Variants in RHBDF2 observed in about 807,000 individuals in gnomAD.
RHBDF2 encodes the protein rhomboid 5 homolog 2, also known as inactive rhomboid protein 2.
Under a neutral mutation model 95.2 loss-of-function variants are expected in RHBDF2, and 38 were observed. The observed-to-expected ratio is 0.40, with a 90% CI of 0.31 to 0.52. RHBDF2 has a LOEUF of 0.52. Among genes scored for constraint, RHBDF2 ranks in the 20% least tolerant of loss-of-function variants. The pLI, the probability that RHBDF2 is intolerant of heterozygous loss-of-function variation, is 0.56. For synonymous variants in RHBDF2, 442 were observed against 462.0 expected (o/e 0.96, Z 0.55); for missense variants, 863 against 1,137.7 (o/e 0.76, Z 3.47).
rs369209062 is a variant in RHBDF2 at position 76,479,461 on chromosome 17, C to T, written c.273-184G>A. The T allele has an allele frequency of 7.5e-5, 70 of 934,204 alleles. No homozygotes were observed. The East Asian group carries it at 1.2e-3, about 16-fold the overall frequency. 57.9% of individuals were successfully genotyped at this position (934,204 alleles called of 1,614,324 possible). On this transcript the variant is annotated intron_variant, in intron 4 of 18. Coordinates refer to ENST00000675367, the MANE Select transcript of RHBDF2 (RefSeq NM_001005498.4). Reference sequence around the variant, plus strand: ...GAGCAGAAGCAGGGGATGACGGGAGCGTGAGGAGCCAGGCTAGGGCCCCAG... The same window carrying T: ...GAGCAGAAGCAGGGGATGACGGGAGTGTGAGGAGCCAGGCTAGGGCCCCAG...
chr17:76,480,222 A>G (rs2073923875), intron 3 of RHBDF2, among the ~76,000 whole-genome samples: 1 of 151,064 alleles, frequency 6.6e-6, no homozygotes, highest in African/African-American at 2.4e-5. Flanking sequence ...AGCTGGGACT[A>G]TAGGCATGTG....
At position 76,498,789 on chromosome 17, in the gene RHBDF2, A is replaced by AGTGTGTGTGTGTGTGTGTGT. The variant is rs60130089; in HGVS notation, c.-220+2544_-220+2563dup. Among the ~76,000 whole-genome samples the AGTGTGTGTGTGTGTGTGTGT allele has an allele frequency of 7.4e-4, 106 of 143,768 alleles. 2 individuals are homozygous for AGTGTGTGTGTGTGTGTGTGT. Among genetic ancestry groups the AGTGTGTGTGTGTGTGTGTGT allele is most frequent in the East Asian group, 1.1e-3 (5 of 4,604 alleles). 94.3% of individuals were successfully genotyped at this position (143,768 alleles called of 152,430 possible). On this transcript the variant is annotated intron_variant, in intron 1 of 18. Transcript: ENST00000675367. The stretch of plus-strand genomic sequence containing the variant: ...CCCCTCCTGGGCTGGAGAGAAAGAG[A>AGTGTGTGTGTGTGTGTGTGT]GTGTGTGTGTGTGTGTGTGTGTGTG...
At chr17:76,492,517 C>T (rs893635662) in intron 1 of RHBDF2, among the ~76,000 whole-genome samples, 1 of 152,202 alleles carries the variant, frequency 6.6e-6, no homozygotes, top group African/African-American at 2.4e-5. Flanking sequence ...ACAGCTCTAC[C>T]AGCCAGTCCA....
At chr17:76,479,960 C>A (rs771764923) in intron 3 of RHBDF2, 106 bp from the exon 4 acceptor site, 1 of 1,499,904 alleles carries the variant, frequency 6.7e-7, no homozygotes, top group South Asian at 1.3e-5. Context: ...AAACTTCAAC[C>A]CTGATTTATG....
At chr17:76,491,715 C>T (rs2074306842) in intron 1 of RHBDF2, among the ~76,000 whole-genome samples, 1 of 152,190 alleles carries the variant, frequency 6.6e-6, no homozygotes, top group African/African-American at 2.4e-5. Flanking sequence ...CCATTGAGAT[C>T]AACTGCCTCC....
At chr17:76,484,074 C>G (rs999229102) in intron 2 of RHBDF2, among the ~76,000 whole-genome samples, 3 of 152,034 alleles carry the variant, frequency 2.0e-5, no homozygotes, top group African/African-American at 7.3e-5. Context: ...CCAGCATGAC[C>G]AACATGGAGA....
intron 2 of RHBDF2, among the ~76,000 whole-genome samples, chr17:76,485,507 A>G (rs1024123624): frequency 3.3e-5 from 5 of 151,072 alleles, no homozygotes; most frequent in African/African-American, 1.2e-4. Context: ...ACTTGAACCC[A>G]GGACGGGGGG....
At chr17:76,472,086 A>T in intron 18 of RHBDF2, 34 bp from the exon 19 acceptor site, 1 of 1,524,614 alleles carries the variant, frequency 6.6e-7, no homozygotes, top group African/African-American at 1.4e-5. Context: ...GGCTTCAGGC[A>T]TCAGGTGGGT....
intron 1 of RHBDF2, among the ~76,000 whole-genome samples, chr17:76,491,027 A>G (rs1331060461): frequency 6.6e-6 from 1 of 152,066 alleles, no homozygotes. Flanking sequence ...TGGTCAGCCT[A>G]TGTCAGCCCT....
chr17:76,474,449 T>C lies in RHBDF2; in HGVS notation c.1388A>G (p.Asp463Gly). ...QIEQLVLRER[D>G]LERDSGCCVQ... ...ACAGCAGCCTGAGTCCCGCTCCAGG[T>C]CTCGCTCGCGCAGCACCAGCTGCTC... The change falls in exon 12 of 19, where the codon GAC becomes GGC. Residue 463 changes from aspartate (D) to glycine (G), a missense_variant. Around this residue, in one of 2 missense-constraint regions of RHBDF2, gnomAD observed 611 missense variants for 725.5 expected, o/e 0.84. Transcript: ENST00000675367. 6.2e-7 allele frequency: 1 copy of C among 1,614,006 alleles called. No individual in the cohort carries two copies. The highest frequency in any genetic ancestry group is 1.1e-5 in the South Asian group (1 of 91,082).
At chr17:76,498,789 A>AGTGTGTGT (rs60130089) in intron 1 of RHBDF2, among the ~76,000 whole-genome samples, 19,786 of 143,578 alleles carry the variant, frequency 0.14, 1,608 homozygotes, top group East Asian at 0.28. Context: ...AGAGAAAGAG[A>AGTGTGTGT]GTGTGTGTGT....
At chr17:76,480,350 G>T (rs1487863449) in intron 3 of RHBDF2, among the ~76,000 whole-genome samples, 1 of 151,826 alleles carries the variant, frequency 6.6e-6, no homozygotes, top group African/African-American at 2.4e-5. Flanking sequence ...GCCTCCCAAA[G>T]TGCTGGGATT....
intron 18 of RHBDF2, chr17:76,472,261 C>A (rs958887795): frequency 4.9e-6 from 3 of 609,386 alleles, no homozygotes; most frequent in Admixed American, 3.0e-5. Context: ...CTACTGTGTA[C>A]GTGCCTGGTG....
Position 76,501,360 on chromosome 17 carries a change from CG to C in RHBDF2, c.-228del, listed in dbSNP as rs2074576581. On this transcript the variant is annotated 5_prime_UTR_variant, in exon 1 of 19. Transcript: ENST00000675367. ...TCGTCGCCCCGCGCTCACCTCCCTG[CG>C]GCCCCAAGTCCCCGGGACGCAACTC... The C allele has an allele frequency of 6.6e-6, 1 of 152,210 alleles. No individual in the cohort carries two copies. Among genetic ancestry groups the C allele is most frequent in the South Asian group, 2.1e-4 (1 of 4,842 alleles). 9.4% of individuals were successfully genotyped at this position (152,210 alleles called of 1,614,324 possible).
rs78075648 is a variant in RHBDF2, at chr17:76,500,222, C to T, written c.-220+1131G>A. Among the ~76,000 whole-genome samples the T allele has an allele frequency of 3.9e-3, 589 of 152,220 alleles. 6 individuals are homozygous for T. Among genetic ancestry groups the T allele is most frequent in the African/African-American group, 0.013 (550 of 41,524 alleles). On this transcript the variant is annotated intron_variant, in intron 1 of 18. Coordinates refer to ENST00000675367, the MANE Select transcript of RHBDF2 (RefSeq NM_001005498.4). Reference sequence around the variant, plus strand: ...TAATTCCTCGTTATGTGGGCTGTTCCGTGCCCTGAAGATGTCTGGTAGCGT... The same window carrying T: ...TAATTCCTCGTTATGTGGGCTGTTCTGTGCCCTGAAGATGTCTGGTAGCGT...
At chr17:76,479,562 C>A in intron 4 of RHBDF2, 171 bp downstream of exon 4, 1 of 727,098 alleles carries the variant, frequency 1.4e-6, no homozygotes, top group Non-Finnish European at 2.4e-6. Context: ...AAGCACATAC[C>A]CATTTCCCCA....
rs1267371066 is a variant in RHBDF2 at position 76,478,747 on chromosome 17, G to C, written c.672+59C>G. On this transcript the variant is annotated intron_variant, in intron 6 of 18. Coordinates refer to ENST00000675367, the MANE Select transcript of RHBDF2 (RefSeq NM_001005498.4). ...GGATGCTACTATGAGGAGTGGAAGG[G>C]AGGGGCAAGGAAGGGAGGCCGGGCA... The C allele has an allele frequency of 9.8e-6, 14 of 1,423,518 alleles. No homozygotes were observed. The African/African-American group carries it at 2.0e-4, about 20-fold the overall frequency. 88.2% of individuals were successfully genotyped at this position (1,423,518 alleles called of 1,614,324 possible).
chr17:76,476,478 G>A, intron 9 of RHBDF2: 1 of 242,328 alleles, frequency 4.1e-6, no homozygotes, highest in Non-Finnish European at 8.0e-6. Flanking sequence ...GCTTCTAACT[G>A]TCCTCTGACC....
intron 4 of RHBDF2, 77 bp downstream of exon 4, chr17:76,479,656 G>A: frequency 8.7e-7 from 1 of 1,144,860 alleles, no homozygotes; most frequent in Admixed American, 1.9e-5. Context: ...CAGGGACCAG[G>A]CCCAATCATG....
Sources: allele counts gnomAD v4.1 joint callset (sites outside exome capture counted in the v4.1 genomes callset), GRCh38; gene constraint gnomAD v4.1.1; regional missense constraint gnomAD v4.1.1; transcripts MANE v1.5; gene names NCBI Gene and HGNC (gene_info 2026-07-23, HGNC 2026-07-21).